Variants in SLAMF6 observed in about 807,000 individuals in gnomAD.
SLAMF6 encodes NK-T-B-antigen.
A neutral mutation model predicts 38.3 loss-of-function variants in SLAMF6; 21 were observed. The ratio of observed to expected loss-of-function variants is 0.55; its 90% CI spans 0.39 to 0.79. The LOEUF (loss-of-function observed/expected upper bound fraction) is 0.79, where lower values mean the gene tolerates loss of function less well. SLAMF6 is among the 30% of genes least tolerant of loss of function. SLAMF6 has a pLI of 0.00. For synonymous variants in SLAMF6, 152 were observed against 146.3 expected (o/e 1.04, Z -0.28); for missense variants, 341 against 385.3 (o/e 0.89, Z 0.96).
intron 6 of SLAMF6, among the ~76,000 whole-genome samples, chr1:160,487,886 T>G (rs1211194673): frequency 6.6e-6 from 1 of 152,142 alleles, no homozygotes; most frequent in Admixed American, 6.5e-5. Flanking sequence ...GCGCAGAAGT[T>G]TGAGACCAGC....
chr1:160,521,757 T>C (rs999547098), intron 1 of SLAMF6, among the ~76,000 whole-genome samples: 4 of 152,150 alleles, frequency 2.6e-5, no homozygotes, highest in Non-Finnish European at 4.4e-5. Context: ...AGGTCCAAAA[T>C]TGAACTCACC....
chr1:160,490,475 T>C (rs1490949225), intron 4 of SLAMF6, 100 bp downstream of exon 4: 1 of 1,500,808 alleles, frequency 6.7e-7, no homozygotes, highest in East Asian at 2.4e-5. Flanking sequence ...CCTCCCTCCC[T>C]CCTCCTGTCT....
In SLAMF6 at chr1:160,491,471, G is replaced by A. The variant is rs1046657718; in HGVS notation, c.383-83C>T. 3.9e-6 allele frequency: 6 copies of A among 1,532,368 alleles called. No individual in the cohort carries two copies. In the African/African-American group the frequency reaches 8.3e-5, roughly 21 times the overall value. The allele number at this position is 1,532,368 out of a possible 1,614,324, so 94.9% of individuals were successfully genotyped here. On this transcript the variant is annotated intron_variant, in intron 2 of 7. Transcript: ENST00000368057. ...TGTGAAAAATATCCTTCACCTCAAT[G>A]TTTTGTATTTCACCTTTGCTGTGTG...
chr1:160,503,345 G>C (rs774752441), intron 1 of SLAMF6, among the ~76,000 whole-genome samples: 1 of 152,008 alleles, frequency 6.6e-6, no homozygotes. Context: ...TGGTTGACAC[G>C]CACCATTCAT....
At chr1:160,486,832 G>A in intron 7 of SLAMF6, 78 bp from the exon 8 acceptor site, 1 of 1,495,254 alleles carries the variant, frequency 6.7e-7, no homozygotes, top group Non-Finnish European at 9.3e-7. Flanking sequence ...ACAGAGAGAG[G>A]ACTGGAGACT....
chr1:160,503,947 G>C (rs1302238275), intron 1 of SLAMF6, among the ~76,000 whole-genome samples: 1 of 148,092 alleles, frequency 6.8e-6, no homozygotes, highest in Admixed American at 6.8e-5. Flanking sequence ...AAACCTGGGA[G>C]GCAGAGGTTG....
At chr1:160,498,522 T>A (rs550859467) in intron 1 of SLAMF6, among the ~76,000 whole-genome samples, 1 of 152,158 alleles carries the variant, frequency 6.6e-6, no homozygotes, top group South Asian at 2.1e-4. Flanking sequence ...GCAGGGGAAC[T>A]CCCCTTTATA....
chr1:160,497,830 G>T (rs1380283125), intron 1 of SLAMF6, among the ~76,000 whole-genome samples: 1 of 152,098 alleles, frequency 6.6e-6, no homozygotes, highest in Admixed American at 6.6e-5. Context: ...TTTATGGCTG[G>T]TTAGTATTCC....
At chr1:160,511,354 T>A (rs1326745744) in intron 1 of SLAMF6, among the ~76,000 whole-genome samples, 1 of 152,224 alleles carries the variant, frequency 6.6e-6, no homozygotes, top group Non-Finnish European at 1.5e-5. Context: ...AGTGTGGTAC[T>A]GGCATAAAGA....
intron 1 of SLAMF6, among the ~76,000 whole-genome samples, chr1:160,497,332 A>G (rs2102029304): frequency 6.6e-6 from 1 of 152,174 alleles, no homozygotes; most frequent in Non-Finnish European, 1.5e-5. Flanking sequence ...TTATTACACT[A>G]TTTTGTAGTT....
chr1:160,502,510 A>T (rs757912736), intron 1 of SLAMF6, among the ~76,000 whole-genome samples: 1 of 152,226 alleles, frequency 6.6e-6, no homozygotes, highest in Non-Finnish European at 1.5e-5. Flanking sequence ...ATTTCCCCAT[A>T]ACCTGGTCCA....
In SLAMF6 at chr1:160,496,362, T is replaced by C; in HGVS notation, c.81A>G (p.Pro27=). The C allele has an allele frequency of 3.7e-6, 6 of 1,613,894 alleles. No individual in the cohort carries two copies. The highest frequency in any genetic ancestry group is 5.1e-6 in the Non-Finnish European group (6 of 1,179,864). ...GNVVSQSSLT[P]LMVNGILGES... Reference sequence around the variant, plus strand: ...CCCCCAGAATCCCGTTCACCATCAATGGGGTTAAGCTGCTTTGTGAAACTA... The same window carrying C: ...CCCCCAGAATCCCGTTCACCATCAACGGGGTTAAGCTGCTTTGTGAAACTA... Residue 27 remains proline, a synonymous_variant, in exon 2 of 8, where the codon CCA becomes CCG. Transcript: ENST00000368057.
chr1:160,494,536 T>G (rs1653469076), intron 2 of SLAMF6, among the ~76,000 whole-genome samples: 2 of 151,966 alleles, frequency 1.3e-5, no homozygotes, highest in Non-Finnish European at 2.9e-5. Flanking sequence ...ATTACCTTAT[T>G]GGAAAAAAAG....
chr1:160,511,213 A>G (rs1277237467), intron 1 of SLAMF6, among the ~76,000 whole-genome samples: 2 of 152,190 alleles, frequency 1.3e-5, no homozygotes, highest in African/African-American at 2.4e-5. Context: ...ATAAATGGAA[A>G]AGCTAATTCT....
At chr1:160,512,212 C>T (rs565082512) in intron 1 of SLAMF6, among the ~76,000 whole-genome samples, 5 of 152,294 alleles carry the variant, frequency 3.3e-5, no homozygotes, top group African/African-American at 1.2e-4. Flanking sequence ...GGAGGAATTC[C>T]CCATGGTGCA....
At chr1:160,497,973 T>C (rs188582545) in intron 1 of SLAMF6, among the ~76,000 whole-genome samples, 59 of 152,334 alleles carry the variant, frequency 3.9e-4, no homozygotes, top group Non-Finnish European at 6.5e-4. Flanking sequence ...TATAATGATC[T>C]ATTTTCCTTT....
Position 160,486,655 on chromosome 1 carries a change from A to G in SLAMF6, c.*52T>C, listed in dbSNP as rs1652977405. On this transcript the variant is annotated 3_prime_UTR_variant, in exon 8 of 8. Transcript: ENST00000368057. ...AGCTTCCTGTTCTTTGTTCTGTCTC[A>G]TGGGATCAGAAGACGTGTCATTCCC... is the stretch of plus-strand genomic sequence containing the variant. The G allele has an allele frequency of 2.0e-6, 3 of 1,537,904 alleles. No individual in the cohort carries two copies. The highest frequency in any genetic ancestry group is 2.7e-6 in the Non-Finnish European group (3 of 1,111,418).
chr1:160,516,627 A>G (rs1386947245), intron 1 of SLAMF6, among the ~76,000 whole-genome samples: 1 of 152,188 alleles, frequency 6.6e-6, no homozygotes, highest in Non-Finnish European at 1.5e-5. Flanking sequence ...CAATAACCAA[A>G]ACAGCACGGT....
At chr1:160,499,423 T>C (rs1557940010) in intron 1 of SLAMF6, among the ~76,000 whole-genome samples, 1 of 152,218 alleles carries the variant, frequency 6.6e-6, no homozygotes, top group Non-Finnish European at 1.5e-5. Flanking sequence ...TCTATGTGTC[T>C]GTTTGTGTAA....
Sources: allele counts gnomAD v4.1 joint callset (sites outside exome capture counted in the v4.1 genomes callset), GRCh38; gene constraint gnomAD v4.1.1; transcripts MANE v1.5; gene names NCBI Gene and HGNC (gene_info 2026-07-23, HGNC 2026-07-21).